Variants in SH3PXD2A observed in about 807,000 individuals in gnomAD.
SH3PXD2A encodes SH3 and PX domains 2A.
A neutral mutation model predicts 115.2 loss-of-function variants in SH3PXD2A; 32 were observed. The observed-to-expected ratio is 0.28, with a 90% CI of 0.21 to 0.37. SH3PXD2A has a LOEUF of 0.37. Among genes scored for constraint, SH3PXD2A ranks in the 10% least tolerant of loss-of-function variants. SH3PXD2A has a pLI of 1.00. For missense variants in SH3PXD2A, 1,328 were observed against 1,498.7 expected, an observed-to-expected ratio of 0.89 and a Z score of 1.88; for synonymous variants, 610 against 629.1, an observed-to-expected ratio of 0.97 and a Z score of 0.45.
At chr10:103,606,003 G>A in intron 13 of SH3PXD2A, 86 bp from the exon 14 acceptor site, 1 of 1,471,596 alleles carries the variant, frequency 6.8e-7, no homozygotes, top group Non-Finnish European at 9.3e-7. Flanking sequence ...TCAGTCCCCA[G>A]GGGGTGCGGA....
chr10:103,852,171 C>T (rs1197338415), intron 1 of SH3PXD2A, among the ~76,000 whole-genome samples: 1 of 152,184 alleles, frequency 6.6e-6, no homozygotes, highest in African/African-American at 2.4e-5. Context: ...GTAGCAGCTG[C>T]CTGCCCTTCT....
At chr10:103,664,883 G>C (rs1230565823) in intron 7 of SH3PXD2A, among the ~76,000 whole-genome samples, 1 of 152,032 alleles carries the variant, frequency 6.6e-6, no homozygotes, top group Non-Finnish European at 1.5e-5. Flanking sequence ...ATGTTGGCTA[G>C]GCTGGCCTTG....
At chr10:103,800,695 G>GT (rs1462738493) in intron 2 of SH3PXD2A, among the ~76,000 whole-genome samples, 1 of 152,204 alleles carries the variant, frequency 6.6e-6, no homozygotes, top group Admixed American at 6.5e-5. Context: ...CAAGGGGGGT[G>GT]TCTGCAGGGG....
intron 8 of SH3PXD2A, among the ~76,000 whole-genome samples, chr10:103,657,653 A>C (rs2037230827): frequency 6.6e-6 from 1 of 152,240 alleles, no homozygotes; most frequent in African/African-American, 2.4e-5. Flanking sequence ...AAGCTATTCA[A>C]GTCTCACTTT....
At position 103,596,484 on chromosome 10, in the gene SH3PXD2A, A is replaced by G. The variant is rs77327899; in HGVS notation, c.*5332T>C. 6.6e-6 allele frequency: 1 copy of G among 152,554 alleles called. No individual in the cohort carries two copies. The highest frequency in any genetic ancestry group is 1.5e-5 in the Non-Finnish European group (1 of 67,994). 9.5% of individuals were successfully genotyped at this position (152,554 alleles called of 1,614,324 possible). On this transcript the variant is annotated 3_prime_UTR_variant, in exon 15 of 15. Coordinates refer to ENST00000369774, the MANE Select transcript of SH3PXD2A (RefSeq NM_001394015.1). ...TCTCCAGCCAGAATGATGTGTGTGA[A>G]TGACACACTTGCTGCCAGAAGCTGT...
At chr10:103,648,930 T>C (rs368838178) in intron 8 of SH3PXD2A, among the ~76,000 whole-genome samples, 1 of 152,230 alleles carries the variant, frequency 6.6e-6, no homozygotes, top group African/African-American at 2.4e-5. Context: ...AGAAATTTAA[T>C]CTGTGATGCA....
chr10:103,813,348 G>C (rs543381794), intron 1 of SH3PXD2A, among the ~76,000 whole-genome samples: 1 of 152,030 alleles, frequency 6.6e-6, no homozygotes, highest in Non-Finnish European at 1.5e-5. Flanking sequence ...ACAGAGTCTC[G>C]CTCTCTTGCC....
At chr10:103,723,344 C>T (rs1399566975) in intron 5 of SH3PXD2A, among the ~76,000 whole-genome samples, 2 of 152,326 alleles carry the variant, frequency 1.3e-5, no homozygotes, top group African/African-American at 2.4e-5. Flanking sequence ...ACCCAACACC[C>T]CTCCCTGCCT....
chr10:103,638,327 G>A (rs188326501), intron 8 of SH3PXD2A, among the ~76,000 whole-genome samples: 6 of 152,326 alleles, frequency 3.9e-5, no homozygotes, highest in South Asian at 2.1e-4. Context: ...AAGACAGCCT[G>A]GGCTGCTGCC....
At chr10:103,711,061 G>T (rs1458546328) in intron 5 of SH3PXD2A, among the ~76,000 whole-genome samples, 1 of 152,062 alleles carries the variant, frequency 6.6e-6, no homozygotes. Flanking sequence ...AAAAACGGTT[G>T]CCCCACCTGG....
At chr10:103,730,968 C>G (rs1312908866) in intron 4 of SH3PXD2A, among the ~76,000 whole-genome samples, 1 of 152,164 alleles carries the variant, frequency 6.6e-6, no homozygotes, top group Non-Finnish European at 1.5e-5. Context: ...GGCAGGGGAC[C>G]AGCACAGGCT....
intron 6 of SH3PXD2A, among the ~76,000 whole-genome samples, chr10:103,681,136 G>C (rs901696517): frequency 6.6e-6 from 1 of 152,214 alleles, no homozygotes; most frequent in Non-Finnish European, 1.5e-5. Context: ...GGAAATGAAA[G>C]GCAGATGGTG....
At chr10:103,813,891 G>C (rs557663784) in intron 1 of SH3PXD2A, among the ~76,000 whole-genome samples, 10 of 151,914 alleles carry the variant, frequency 6.6e-5, no homozygotes, top group Non-Finnish European at 1.5e-4. Flanking sequence ...ATCTTGGAAG[G>C]TGGGGTAGGC....
intron 3 of SH3PXD2A, among the ~76,000 whole-genome samples, chr10:103,763,994 T>C: frequency 6.6e-6 from 1 of 152,196 alleles, no homozygotes; most frequent in Non-Finnish European, 1.5e-5. Context: ...CACAGGAAGT[T>C]CACGTGAGAG....
chr10:103,735,381 T>C (rs1314862332), intron 4 of SH3PXD2A, among the ~76,000 whole-genome samples: 1 of 152,226 alleles, frequency 6.6e-6, no homozygotes, highest in African/African-American at 2.4e-5. Context: ...TTCTTCTATG[T>C]CCAGCAAAAT....
Position 103,810,837 on chromosome 10 carries a change from A to AACACACACAAC in SH3PXD2A, c.73-9476_73-9475insGTTGTGTGTGT, listed in dbSNP as rs149501542. On this transcript the variant is annotated intron_variant, in intron 1 of 14. Coordinates refer to ENST00000369774, the MANE Select transcript of SH3PXD2A (RefSeq NM_001394015.1). Reference sequence around the variant, plus strand: ...ACACAGACATACACACAACACACACAACACACACACACAGACACACACATA... The same window carrying AACACACACAAC: ...ACACAGACATACACACAACACACACAACACACACAACACACACACACACAGACACACACATA... Among the ~76,000 whole-genome samples, 307 of 150,292 alleles carry AACACACACAAC rather than the reference A, an allele frequency of 2.0e-3. 1 individual carries two copies. Among genetic ancestry groups the AACACACACAAC allele is most frequent in the African/African-American group, 7.2e-3 (295 of 40,834 alleles).
rs2036713652 is a variant in SH3PXD2A, at chr10:103,627,348, A to C, written c.605-146T>G. Reference sequence around the variant, plus strand: ...TGGGGACCCAGCAAATGCCTGGCCCAGCTCCAGCCTCGAGGAGCCTGCGTC... The same window carrying C: ...TGGGGACCCAGCAAATGCCTGGCCCCGCTCCAGCCTCGAGGAGCCTGCGTC... On this transcript the variant is annotated intron_variant, in intron 8 of 14. Transcript: ENST00000369774. The surrounding 1 kb of genome is among the most constrained non-coding windows in gnomAD (Gnocchi z 4.4). The C allele has an allele frequency of 1.6e-6, 1 of 608,132 alleles. No homozygotes were observed. The highest frequency in any genetic ancestry group is 1.8e-5 in the African/African-American group (1 of 54,300). 37.7% of individuals were successfully genotyped at this position (608,132 alleles called of 1,614,324 possible).
chr10:103,608,430 G>GAAAA (rs953168200), intron 13 of SH3PXD2A, among the ~76,000 whole-genome samples: 17 of 85,236 alleles, frequency 2.0e-4, no homozygotes, highest in Non-Finnish European at 3.2e-4. Flanking sequence ...TCCATGTCAA[G>GAAAA]AAAAAAAAAA....
At chr10:103,711,305 C>T (rs772487542) in intron 5 of SH3PXD2A, among the ~76,000 whole-genome samples, 10 of 152,224 alleles carry the variant, frequency 6.6e-5, no homozygotes, top group Non-Finnish European at 1.3e-4. Flanking sequence ...GGTGCAGCCT[C>T]TTGGCCTGTT....
Sources: allele counts gnomAD v4.1 joint callset (sites outside exome capture counted in the v4.1 genomes callset), GRCh38; gene constraint gnomAD v4.1.1; non-coding constraint Gnocchi (gnomAD v3.1); transcripts MANE v1.5; gene names NCBI Gene and HGNC (gene_info 2026-07-23, HGNC 2026-07-21).